Variants in CACNA1S observed in about 807,000 individuals in gnomAD.
The protein encoded by CACNA1S is calcium voltage-gated channel subunit alpha1 S.
In CACNA1S, 126 loss-of-function variants were observed where a neutral mutation model predicts 207.4. The observed-to-expected ratio is 0.61, with a 90% confidence interval of 0.53 to 0.70. The LOEUF (loss-of-function observed/expected upper bound fraction) is 0.70. Among genes scored for constraint, CACNA1S ranks in the 30% least tolerant of loss-of-function variants. The pLI is 0.00. For synonymous variants in CACNA1S, 960 were observed against 932.7 expected, an observed-to-expected ratio of 1.03 and a Z score of -0.53; for missense variants, 2,349 against 2,422.8, an observed-to-expected ratio of 0.97 and a Z score of 0.64.
At chr1:201,083,684 C>A (rs1240169223) in intron 9 of CACNA1S, among the ~76,000 whole-genome samples, 2 of 152,210 alleles carry the variant, frequency 1.3e-5, no homozygotes, top group African/African-American at 4.8e-5. Flanking sequence ...TTAATAATAT[C>A]TGGGGAGGGT....
chr1:201,042,171 C>G (rs368673271), intron 40 of CACNA1S, among the ~76,000 whole-genome samples: 1 of 152,122 alleles, frequency 6.6e-6, no homozygotes, highest in African/African-American at 2.4e-5. Context: ...GAGTCTTGTT[C>G]TCTCACCCAG....
At chr1:201,069,078 A>G (rs966651770) in intron 19 of CACNA1S, 59 bp downstream of exon 19, 2 of 1,453,916 alleles carry the variant, frequency 1.4e-6, no homozygotes, top group Non-Finnish European at 1.9e-6. Context: ...CAGTGTGTGT[A>G]AACTGGAGCC....
At chr1:201,093,779 T>A in intron 3 of CACNA1S, 103 bp downstream of exon 3, 1 of 1,404,842 alleles carries the variant, frequency 7.1e-7, no homozygotes. Context: ...GTTAGCACAA[T>A]GCTGGAGTCC....
chr1:201,100,484 C>A (rs543137418), intron 2 of CACNA1S, among the ~76,000 whole-genome samples: 51 of 152,364 alleles, frequency 3.3e-4, no homozygotes, highest in African/African-American at 1.1e-3. Context: ...CCAACGAACG[C>A]TCACCCAAAT....
intron 2 of CACNA1S, among the ~76,000 whole-genome samples, chr1:201,109,524 G>GCTAATTAC (rs1370299229): frequency 6.6e-6 from 1 of 152,178 alleles, no homozygotes; most frequent in African/African-American, 2.4e-5. Flanking sequence ...GAGTAAGTAA[G>GCTAATTAC]TCCCTGAACC....
At chr1:201,042,403 G>A (rs1370972096) in intron 40 of CACNA1S, among the ~76,000 whole-genome samples, 2 of 152,214 alleles carry the variant, frequency 1.3e-5, no homozygotes, top group Non-Finnish European at 2.9e-5. Context: ...CTCCCAAAGT[G>A]CTGGGATTAC....
intron 19 of CACNA1S, 129 bp downstream of exon 19, chr1:201,069,008 T>C: frequency 3.6e-6 from 3 of 823,386 alleles, no homozygotes. Flanking sequence ...GTGTGCTGGG[T>C]CCCATGAGTC....
Position 201,066,059 on chromosome 1 carries a change from G to T in CACNA1S, c.2746-114C>A. The stretch of plus-strand genomic sequence containing the variant: ...GCTGCCTCCTGATGAGTTGGAGGTG[G>T]GGAAAGGCTGGTGGGGAAGCATAGC... On this transcript the variant is annotated intron_variant, in intron 21 of 43. Coordinates refer to ENST00000362061, the MANE Select transcript of CACNA1S (RefSeq NM_000069.3). The surrounding 1 kb of genome is among the most constrained non-coding windows in gnomAD (Gnocchi z 4.3). The T allele has an allele frequency of 1.1e-6, 1 of 935,610 alleles. No individual in the cohort carries two copies. Among genetic ancestry groups the T allele is most frequent in the South Asian group, 1.4e-5 (1 of 72,170 alleles). The allele number at this position is 935,610 out of a possible 1,614,324, so 58.0% of individuals were successfully genotyped here.
At chr1:201,075,443 T>TCCCCCCCC in intron 13 of CACNA1S, 52 bp downstream of exon 13, 1 of 1,597,920 alleles carries the variant, frequency 6.3e-7, no homozygotes, top group South Asian at 1.1e-5. Flanking sequence ...TTAAGCCCTT[T>TCCCCCCCC]CCCCCACCCC....
At chr1:201,106,985 A>T (rs1662918677) in intron 2 of CACNA1S, among the ~76,000 whole-genome samples, 1 of 152,146 alleles carries the variant, frequency 6.6e-6, no homozygotes, top group Non-Finnish European at 1.5e-5. Flanking sequence ...GGCCCTTCCC[A>T]TTCTCCCACT....
chr1:201,041,737 A>G (rs1048837907), intron 40 of CACNA1S, 148 bp from the exon 41 acceptor site: 3 of 701,038 alleles, frequency 4.3e-6, no homozygotes, highest in Non-Finnish European at 7.8e-6. Flanking sequence ...TGACGTTTCC[A>G]CCACTGTGCC....
In CACNA1S at chr1:201,106,974, C is replaced by T. The variant is rs564895575; in HGVS notation, c.258+3190G>A. Among the ~76,000 whole-genome samples the T allele has an allele frequency of 2.6e-4, 39 of 152,328 alleles. No individual in the cohort carries two copies. In the South Asian group the frequency reaches 5.6e-3, roughly 22 times the overall value. On this transcript the variant is annotated intron_variant, in intron 2 of 43. Coordinates refer to ENST00000362061, the MANE Select transcript of CACNA1S (RefSeq NM_000069.3). ...CAGAGCCATGTCCTTCCCTGAGACA[C>T]GGCCCTTCCCATTCTCCCACTCAGG...
chr1:201,050,901 T>C lies in CACNA1S; in HGVS notation c.4113+83A>G, dbSNP rs575802957. ...GATGAATCCCAGGAGAGGTGGAAAC[T>C]GGCCAGGAAGGGGCAGGCAGGCTCC... is the stretch of plus-strand genomic sequence containing the variant. On this transcript the variant is annotated intron_variant, in intron 33 of 43. Coordinates refer to ENST00000362061, the MANE Select transcript of CACNA1S (RefSeq NM_000069.3). The C allele has an allele frequency of 3.5e-5, 50 of 1,428,460 alleles. No individual in the cohort carries two copies. In the African/African-American group the frequency reaches 6.2e-4, roughly 18 times the overall value. 88.5% of individuals were successfully genotyped at this position (1,428,460 alleles called of 1,614,324 possible). A position where few individuals can be genotyped will look rare whatever the true frequency, so the allele number is the denominator to read the frequency against.
chr1:201,107,799 G>A (rs953818935), intron 2 of CACNA1S, among the ~76,000 whole-genome samples: 2 of 152,190 alleles, frequency 1.3e-5, no homozygotes, highest in South Asian at 2.1e-4. Flanking sequence ...GTGGCTGAGC[G>A]ACCTTGGGTA....
intron 31 of CACNA1S, among the ~76,000 whole-genome samples, 193 bp from the exon 32 acceptor site, chr1:201,052,841 C>T (rs1660702604): frequency 6.6e-6 from 1 of 152,038 alleles, no homozygotes; most frequent in South Asian, 2.1e-4. Flanking sequence ...TTCTTCTTAG[C>T]AAGCCAAAGA....
rs1356229958 is a variant in CACNA1S, at chr1:201,039,881, G to A, written c.5572C>T (p.Leu1858Phe). The change falls in exon 44 of 44, where the codon CTC becomes TTC. Residue 1858 changes from leucine (L) to phenylalanine (F), a missense_variant. Physicochemically the swap from Leu to Phe is conservative, Grantham distance 22. Transcript: ENST00000362061. ...TCCTGGGAGCCCTGGTGTTGGTCGA[G>A]GCTGCCCAGGGAGGACCCGAGGTTC... The part of the protein sequence containing the change: ...CLNLGSSLGS[L>F]DQHQGSQETL... 3.1e-6 allele frequency: 5 copies of A among 1,612,048 alleles called. No individual in the cohort carries two copies. The highest frequency in any genetic ancestry group is 1.7e-5 in the Admixed American group (1 of 60,018).
chr1:201,068,883 A>C (rs189091862), intron 19 of CACNA1S, among the ~76,000 whole-genome samples: 1 of 152,172 alleles, frequency 6.6e-6, no homozygotes, highest in Non-Finnish European at 1.5e-5. Flanking sequence ...AAGAAAAAAT[A>C]AAAAGAAAAA....
At chr1:201,087,770 C>G in intron 7 of CACNA1S, 56 bp downstream of exon 7, 4 of 1,180,576 alleles carry the variant, frequency 3.4e-6, no homozygotes, top group Non-Finnish European at 5.0e-6. Context: ...CCTTCCTCCT[C>G]CTTCTCCCCT....
intron 33 of CACNA1S, among the ~76,000 whole-genome samples, 154 bp from the exon 34 acceptor site, chr1:201,050,670 A>G (rs1226687835): frequency 6.6e-6 from 1 of 151,938 alleles, no homozygotes; most frequent in African/African-American, 2.4e-5. Flanking sequence ...ACACACAGCA[A>G]TGCTCTGTCA....
Sources: gnomAD v4.1 joint callset for allele counts (sites outside exome capture counted in the v4.1 genomes callset) on GRCh38, gnomAD v4.1.1 for gene constraint, Gnocchi (gnomAD v3.1) non-coding constraint, MANE v1.5 for transcripts, NCBI Gene and HGNC (gene_info 2026-07-23, HGNC 2026-07-21) for gene names.